NOX4: variants seen among roughly 807,000 people sequenced by gnomAD.
The protein encoded by NOX4 is kidney oxidase-1.
Under a neutral mutation model 87.6 loss-of-function variants are expected in NOX4, and 69 were observed. That is an observed-to-expected ratio of 0.79 (90% CI 0.65 to 0.96). The LOEUF (loss-of-function observed/expected upper bound fraction) is 0.96, where lower values mean the gene tolerates loss of function less well. NOX4 is among the 40% of genes least tolerant of loss of function. The pLI is 0.00. For synonymous variants in NOX4, 275 were observed against 238.2 expected (o/e 1.15, Z -1.42); for missense variants, 680 against 681.5 (o/e 1.00, Z 0.02).
At chr11:89,393,882 A>G (rs1202679312) in intron 11 of NOX4, among the ~76,000 whole-genome samples, 1 of 152,118 alleles carries the variant, frequency 6.6e-6, no homozygotes, top group Non-Finnish European at 1.5e-5. Context: ...AGTTACTACT[A>G]TTTTATTTCA....
the NOX4 span, among the ~76,000 whole-genome samples, chr11:89,560,933 A>C: frequency 7.4e-6 from 1 of 135,932 alleles, no homozygotes; most frequent in African/African-American, 2.8e-5. Flanking sequence ...ATGGGAGCTA[A>C]TTCCCCTAAA....
At chr11:89,528,547 A>G in the NOX4 span, among the ~76,000 whole-genome samples, 1 of 152,200 alleles carries the variant, frequency 6.6e-6, no homozygotes. Flanking sequence ...GATTTCTCCC[A>G]TGCTGTTCTC....
At chr11:89,411,127 C>G (rs1480824676) in intron 8 of NOX4, among the ~76,000 whole-genome samples, 1 of 152,110 alleles carries the variant, frequency 6.6e-6, no homozygotes, top group Non-Finnish European at 1.5e-5. Flanking sequence ...CCTGGGCAAG[C>G]AAGAAACTTG....
At chr11:89,571,179 G>C in the NOX4 span, among the ~76,000 whole-genome samples, 1 of 152,110 alleles carries the variant, frequency 6.6e-6, no homozygotes, top group Non-Finnish European at 1.5e-5. Flanking sequence ...ACGTGCTCTT[G>C]ATCTAAGTAA....
At chr11:89,404,304 A>G (rs1942043825) in intron 8 of NOX4, among the ~76,000 whole-genome samples, 1 of 152,158 alleles carries the variant, frequency 6.6e-6, no homozygotes, top group Admixed American at 6.6e-5. Context: ...GAAAACCCCA[A>G]GCATTTATTC....
intron 2 of NOX4, among the ~76,000 whole-genome samples, chr11:89,465,971 C>T (rs1296197680): frequency 1.3e-5 from 2 of 152,100 alleles, no homozygotes; most frequent in Non-Finnish European, 2.9e-5. Flanking sequence ...AGAACTTCTG[C>T]ACAGCAAAAG....
intron 8 of NOX4, 113 bp from the exon 9 acceptor site, chr11:89,402,655 G>T: frequency 1.3e-6 from 1 of 790,810 alleles, no homozygotes; most frequent in Non-Finnish European, 2.0e-6. Flanking sequence ...ACTTTACACA[G>T]CATTTATCCA....
intron 4 of NOX4, among the ~76,000 whole-genome samples, chr11:89,447,430 G>A (rs1265840346): frequency 6.6e-6 from 1 of 152,066 alleles, no homozygotes; most frequent in Non-Finnish European, 1.5e-5. Flanking sequence ...GACCTCTTAG[G>A]TCAAAAGAAT....
intron 8 of NOX4, among the ~76,000 whole-genome samples, chr11:89,411,888 A>ACT (rs909961824): frequency 6.6e-6 from 1 of 152,170 alleles, no homozygotes; most frequent in Non-Finnish European, 1.5e-5. Flanking sequence ...TGAATGGAGA[A>ACT]ACAAAAAGAC....
intron 2 of NOX4, among the ~76,000 whole-genome samples, chr11:89,464,849 C>T (rs1945608424): frequency 6.6e-6 from 1 of 152,078 alleles, no homozygotes; most frequent in African/African-American, 2.4e-5. Flanking sequence ...GAACTAAATG[C>T]CGTTTCTCTC....
At chr11:89,400,932 T>C (rs1941813061) in intron 9 of NOX4, among the ~76,000 whole-genome samples, 2 of 151,686 alleles carry the variant, frequency 1.3e-5, no homozygotes, top group Non-Finnish European at 2.9e-5. Context: ...CTTACTTTTA[T>C]ATAATATAAT....
At chr11:89,446,143 C>T (rs541211634) in intron 4 of NOX4, among the ~76,000 whole-genome samples, 4 of 152,162 alleles carry the variant, frequency 2.6e-5, no homozygotes, top group Admixed American at 2.0e-4. Context: ...CAGAGAAATG[C>T]AAATTAAAAT....
rs561702632 is a variant in NOX4 at position 89,448,544 on chromosome 11, C to T, written c.349+896G>A. On this transcript the variant is annotated intron_variant, in intron 4 of 17. Coordinates refer to ENST00000263317, the MANE Select transcript of NOX4 (RefSeq NM_016931.5). Reference sequence around the variant, plus strand: ...AAAGAAATATTGATCACATATAATTCGGGATGGAATCCTAATCTACTAATG... The same window carrying T: ...AAAGAAATATTGATCACATATAATTTGGGATGGAATCCTAATCTACTAATG... Among the ~76,000 whole-genome samples, 5 of 152,194 alleles carry T rather than the reference C, an allele frequency of 3.3e-5. No individual in the cohort carries two copies. The South Asian group carries it at 8.3e-4, about 25-fold the overall frequency.
upstream of NOX4, among the ~76,000 whole-genome samples, chr11:89,494,716 G>A (rs1045063681): frequency 2.0e-5 from 3 of 152,164 alleles, no homozygotes; most frequent in African/African-American, 7.2e-5. Context: ...AAAAGGTAAA[G>A]AAACGGGGCA....
chr11:89,567,405 C>T, the NOX4 span, among the ~76,000 whole-genome samples: 1 of 152,182 alleles, frequency 6.6e-6, no homozygotes, highest in South Asian at 2.1e-4. Context: ...GTGAACCTCT[C>T]ACAACCCCAG....
At chr11:89,567,892 A>G in the NOX4 span, among the ~76,000 whole-genome samples, 1 of 152,230 alleles carries the variant, frequency 6.6e-6, no homozygotes, top group Non-Finnish European at 1.5e-5. Context: ...GAGCATGTGT[A>G]CACAGACTCC....
chr11:89,562,092 T>C, the NOX4 span, among the ~76,000 whole-genome samples: 1 of 152,138 alleles, frequency 6.6e-6, no homozygotes, highest in South Asian at 2.1e-4. Flanking sequence ...CCTCCAGGCA[T>C]TAGGACACTG....
chr11:89,564,960 A>T, the NOX4 span, among the ~76,000 whole-genome samples: 2 of 151,722 alleles, frequency 1.3e-5, no homozygotes, highest in Non-Finnish European at 2.9e-5. Context: ...TGAAGTGAAA[A>T]TTTTTCCCTC....
chr11:89,411,959 A>T (rs1429406647), intron 8 of NOX4, among the ~76,000 whole-genome samples: 1 of 152,172 alleles, frequency 6.6e-6, no homozygotes, highest in Non-Finnish European at 1.5e-5. Context: ...CAGACTGAAA[A>T]TAAACAGATG....
Sources: allele counts gnomAD v4.1 joint callset (sites outside exome capture counted in the v4.1 genomes callset), GRCh38; gene constraint gnomAD v4.1.1; transcripts MANE v1.5; gene names NCBI Gene and HGNC (gene_info 2026-07-23, HGNC 2026-07-21).